PLPPR1: variants seen among roughly 807,000 people sequenced by gnomAD.
PLPPR1 encodes the protein phospholipid phosphatase related 1.
PLPPR1 carries 10 observed loss-of-function variants against 33.1 expected under a neutral mutation model. That is an observed-to-expected ratio of 0.30 (90% CI 0.19 to 0.51). PLPPR1 has a LOEUF of 0.51. Ranked by LOEUF, PLPPR1 falls within the 20% of genes least tolerant of loss-of-function variation. PLPPR1 has a pLI of 0.97. For missense variants in PLPPR1, 304 were observed against 408.1 expected, an observed-to-expected ratio of 0.74 and a Z score of 2.20; for synonymous variants, 151 against 151.0, an observed-to-expected ratio of 1.00 and a Z score of 0.00.
intron 2 of PLPPR1, among the ~76,000 whole-genome samples, chr9:101,235,604 T>C (rs1166053891): frequency 6.6e-6 from 1 of 151,908 alleles, no homozygotes; most frequent in East Asian, 1.9e-4. Flanking sequence ...AATAGTTTCT[T>C]ATCTGCTTTG....
At chr9:101,287,771 G>A (rs1828420146) in intron 4 of PLPPR1, among the ~76,000 whole-genome samples, 1 of 152,148 alleles carries the variant, frequency 6.6e-6, no homozygotes, top group Non-Finnish European at 1.5e-5. Context: ...AAAGTGCTGG[G>A]ATTACAGACA....
intron 1 of PLPPR1, among the ~76,000 whole-genome samples, chr9:101,108,721 A>G (rs1357649463): frequency 6.6e-6 from 1 of 152,216 alleles, no homozygotes; most frequent in Non-Finnish European, 1.5e-5. Context: ...ATCCCACTTC[A>G]TGCCATAAAT....
intron 4 of PLPPR1, among the ~76,000 whole-genome samples, chr9:101,298,794 A>G (rs1333228756): frequency 6.6e-6 from 1 of 152,218 alleles, no homozygotes; most frequent in Non-Finnish European, 1.5e-5. Flanking sequence ...AACAAAATAA[A>G]TTATAATGTT....
At chr9:101,077,049 G>A (rs548564747) in intron 1 of PLPPR1, among the ~76,000 whole-genome samples, 2 of 152,270 alleles carry the variant, frequency 1.3e-5, no homozygotes, top group African/African-American at 2.4e-5. Context: ...ATATGTCCTT[G>A]TGGCACTGTG....
intron 1 of PLPPR1, among the ~76,000 whole-genome samples, chr9:101,130,349 C>A (rs1411439591): frequency 2.6e-5 from 4 of 152,132 alleles, no homozygotes; most frequent in Non-Finnish European, 5.9e-5. Context: ...CTTACATGAT[C>A]CAAGCTCTGC....
At chr9:101,162,410 G>A (rs1335309025) in intron 1 of PLPPR1, among the ~76,000 whole-genome samples, 1 of 152,180 alleles carries the variant, frequency 6.6e-6, no homozygotes, top group African/African-American at 2.4e-5. Context: ...GCTTTGGTTA[G>A]AAACAGTTTT....
Position 101,269,886 on chromosome 9 carries a change from A to G in PLPPR1, c.70A>G (p.Ile24Val), listed in dbSNP as rs748916921. ...GGCCATGCTGTATTTTCAGCTTGTC[A>G]TCATGGCTGGGACAGTGCTGCTTGC... ...IPCFIFVELV[I>V]MAGTVLLAYY... is the part of the protein sequence containing the mutation. Residue 24 changes from isoleucine (I) to valine (V), a missense_variant, in exon 3 of 8, where the codon ATC becomes GTC. Transcript: ENST00000374874. 5.0e-6 allele frequency: 8 copies of G among 1,614,072 alleles called. No individual in the cohort carries two copies. Among genetic ancestry groups the G allele is most frequent in the Non-Finnish European group, 6.8e-6 (8 of 1,180,022 alleles).
chr9:101,062,151 TGTG>T (rs1004186940), intron 1 of PLPPR1, among the ~76,000 whole-genome samples: 15 of 19,452 alleles, frequency 7.7e-4, no homozygotes, highest in African/African-American at 2.7e-3. Context: ...CAAAATGTGG[TGTG>T]TGTGTGTGTG....
At position 101,315,000 on chromosome 9, in the gene PLPPR1, TC is replaced by T. The variant is rs1829027289; in HGVS notation, c.813+2027del. Among the ~76,000 whole-genome samples the T allele has an allele frequency of 8.5e-5, 13 of 152,214 alleles. No individual in the cohort carries two copies. In the South Asian group the frequency reaches 2.7e-3, roughly 32 times the overall value. On this transcript the variant is annotated intron_variant, in intron 6 of 7. Transcript: ENST00000374874. ...TGGATACATAGAAGTTACACATGTTTCGGGGGTATGTGTGATATTTTGATAC... is the reference window on the plus strand; with the variant it reads ...TGGATACATAGAAGTTACACATGTTTGGGGGTATGTGTGATATTTTGATAC...
At chr9:101,207,818 G>A (rs577776871) in intron 2 of PLPPR1, among the ~76,000 whole-genome samples, 1 of 152,252 alleles carries the variant, frequency 6.6e-6, no homozygotes, top group East Asian at 1.9e-4. Context: ...CTAGAGGACA[G>A]AATATATATC....
intron 2 of PLPPR1, among the ~76,000 whole-genome samples, chr9:101,214,708 A>G (rs897296318): frequency 2.6e-5 from 4 of 152,194 alleles, no homozygotes; most frequent in African/African-American, 9.7e-5. Flanking sequence ...TCAACAAACT[A>G]TATTACTTTA....
intron 1 of PLPPR1, among the ~76,000 whole-genome samples, chr9:101,181,130 T>TATATATCTAATATATATATATATGTAA (rs1564167979): frequency 1.4e-5 from 2 of 147,660 alleles, no homozygotes; most frequent in African/African-American, 4.9e-5. Context: ...ATTAGATATA[T>TATATATCTAATATATATATATATGTAA]TATATATCTA....
At chr9:101,212,639 C>T (rs1464573115) in intron 2 of PLPPR1, among the ~76,000 whole-genome samples, 1 of 152,068 alleles carries the variant, frequency 6.6e-6, no homozygotes, top group African/African-American at 2.4e-5. Flanking sequence ...CAGTATATAA[C>T]TATAGGTTTC....
intron 2 of PLPPR1, among the ~76,000 whole-genome samples, chr9:101,204,572 C>T (rs773063282): frequency 3.3e-5 from 5 of 152,136 alleles, no homozygotes; most frequent in Non-Finnish European, 5.9e-5. Context: ...AGCAAAGCCA[C>T]GGTTGGGCTC....
intron 1 of PLPPR1, among the ~76,000 whole-genome samples, chr9:101,156,107 T>TA (rs1429421976): frequency 6.6e-6 from 1 of 152,164 alleles, no homozygotes; most frequent in African/African-American, 2.4e-5. Flanking sequence ...ATGAATAGTC[T>TA]AAAAGGAAGA....
In PLPPR1 at chr9:101,138,262, T is replaced by C. The variant is rs368042914; in HGVS notation, c.-45-47188T>C. 2.8e-3 allele frequency among the ~76,000 whole-genome samples: 424 copies of C among 152,308 alleles called. 4 individuals carry two copies. Among genetic ancestry groups the C allele is most frequent in the African/African-American group, 9.5e-3 (394 of 41,574 alleles). ...CATTTGCAAACTGAGGTCAGTATTA[T>C]CTACATCATAACTCACTGGCTTGTT... On this transcript the variant is annotated intron_variant, in intron 1 of 7. Transcript: ENST00000374874.
chr9:101,172,753 ACCCAAC>A (rs1217894385), intron 1 of PLPPR1, among the ~76,000 whole-genome samples: 3 of 151,954 alleles, frequency 2.0e-5, no homozygotes, highest in African/African-American at 7.3e-5. Flanking sequence ...AGCTCTATCT[ACCCAAC>A]TCAGGGTGAT....
chr9:101,199,247 C>T (rs549664968), intron 2 of PLPPR1, among the ~76,000 whole-genome samples: 9 of 152,274 alleles, frequency 5.9e-5, no homozygotes, highest in South Asian at 4.1e-4. Context: ...GCATTCTGAA[C>T]GACTATGTCA....
intron 2 of PLPPR1, among the ~76,000 whole-genome samples, chr9:101,192,145 T>C (rs1345712563): frequency 6.6e-6 from 1 of 152,212 alleles, no homozygotes; most frequent in African/African-American, 2.4e-5. Flanking sequence ...CCTTATTTTG[T>C]GTGTCTCAGG....
Sources: gnomAD v4.1 joint callset for allele counts (sites outside exome capture counted in the v4.1 genomes callset) on GRCh38, gnomAD v4.1.1 for gene constraint, MANE v1.5 for transcripts, NCBI Gene and HGNC (gene_info 2026-07-23, HGNC 2026-07-21) for gene names.